The following ZNF592 variants were observed in gnomAD, a reference collection of about 807,000 sequenced individuals.
The protein encoded by ZNF592 is zinc finger protein 592.
ZNF592 carries 11 observed loss-of-function variants against 80.3 expected under a neutral mutation model. That is an observed-to-expected ratio of 0.14 (90% confidence interval 0.09 to 0.23). The LOEUF is 0.23. ZNF592 is among the 10% of genes least tolerant of loss of function. The pLI is 1.00. For synonymous variants in ZNF592, 646 were observed against 640.3 expected, an observed-to-expected ratio of 1.01 and a Z score of -0.13; for missense variants, 1,420 against 1,633.9, an observed-to-expected ratio of 0.87 and a Z score of 2.26.
chr15:84,793,930 C>G (rs558422503), intron 5 of ZNF592, among the ~76,000 whole-genome samples: 2 of 152,252 alleles, frequency 1.3e-5, no homozygotes, highest in Admixed American at 1.3e-4. Flanking sequence ...CCCCTTTTGG[C>G]TTCATGAATA....
chr15:84,756,321 C>G (rs1459333463), intron 1 of ZNF592, among the ~76,000 whole-genome samples: 2 of 152,228 alleles, frequency 1.3e-5, no homozygotes, highest in Non-Finnish European at 2.9e-5. Flanking sequence ...TCTGGCTCCG[C>G]TTTTATTCCC....
rs977203593 is a variant in ZNF592, at chr15:84,798,170, T to C, written c.2576+125T>C. On this transcript the variant is annotated intron_variant, in intron 6 of 10. Transcript: ENST00000560079. This position sits in a 1 kb window ranked among gnomAD's most constrained non-coding sequence, Gnocchi z 4.5. ...GTGGCAGAGGTGCCTGGGGTCGTAC[T>C]AAGGATGTCCTGAGGCAGGGGAGCA... is the stretch of plus-strand genomic sequence containing the variant. The C allele has an allele frequency of 1.7e-5, 26 of 1,563,052 alleles. No individual in the cohort carries two copies. Among genetic ancestry groups the C allele is most frequent in the Non-Finnish European group, 2.3e-5 (26 of 1,145,516 alleles).
At chr15:84,776,207 C>T (rs1161245478) in intron 2 of ZNF592, among the ~76,000 whole-genome samples, 3 of 152,226 alleles carry the variant, frequency 2.0e-5, no homozygotes, top group African/African-American at 7.2e-5. Flanking sequence ...CTCTGTAGGC[C>T]AGGCCATGGT....
At chr15:84,771,661 T>G (rs1962079126) in intron 2 of ZNF592, among the ~76,000 whole-genome samples, 1 of 152,144 alleles carries the variant, frequency 6.6e-6, no homozygotes, top group South Asian at 2.1e-4. Context: ...AAAACGTTTT[T>G]TTTGTTTGTT....
At chr15:84,794,374 C>T (rs907290224) in intron 5 of ZNF592, among the ~76,000 whole-genome samples, 1 of 152,146 alleles carries the variant, frequency 6.6e-6, no homozygotes, top group African/African-American at 2.4e-5. Context: ...ACACCCTTGC[C>T]AACACTTGTT....
Position 84,806,336 on chromosome 15 carries a change from G to T in ZNF592, c.*3943G>T, listed in dbSNP as rs1963232205. 6.6e-6 allele frequency: 1 copy of T among 152,220 alleles called. No individual in the cohort carries two copies. Among genetic ancestry groups the T allele is most frequent in the Non-Finnish European group, 1.5e-5 (1 of 68,038 alleles). 9.4% of individuals were successfully genotyped at this position (152,220 alleles called of 1,614,324 possible). A position where few individuals can be genotyped will look rare whatever the true frequency, so the allele number is the denominator to read the frequency against. On this transcript the variant is annotated 3_prime_UTR_variant, in exon 11 of 11. Transcript: ENST00000560079. ...GTTGAGACTAGGACGCAGGTCCCAA[G>T]TATGGGATTTTTTTGGGTTCCTACT...
chr15:84,766,224 C>T (rs930477439), intron 2 of ZNF592, among the ~76,000 whole-genome samples: 1 of 152,068 alleles, frequency 6.6e-6, no homozygotes, highest in South Asian at 2.1e-4. Flanking sequence ...TTGCTGTCTT[C>T]CTCTTGCCCT....
chr15:84,774,983 GTTGGTCAGGCTGGTC>G lies in ZNF592; in HGVS notation c.-149-3196_-149-3182del, dbSNP rs1962201538. Among the ~76,000 whole-genome samples the G allele has an allele frequency of 2.6e-5, 4 of 152,192 alleles. No individual in the cohort carries two copies. In the South Asian group the frequency reaches 8.3e-4, roughly 32 times the overall value. On this transcript the variant is annotated intron_variant, in intron 2 of 10. Transcript: ENST00000560079. ...TTTAGTAGGGACAGGGTTTTGCCATGTTGGTCAGGCTGGTCTTGAACTCCTGACCTCAGGTGATCC... is the reference window on the plus strand; with the variant it reads ...TTTAGTAGGGACAGGGTTTTGCCATGTTGAACTCCTGACCTCAGGTGATCC...
rs771945367 is a variant in ZNF592, at chr15:84,798,013, C to A, written c.2544C>A (p.Thr848=). 1 of 1,614,076 alleles carries A rather than the reference C, an allele frequency of 6.2e-7. No individual in the cohort carries two copies. The highest frequency in any genetic ancestry group is 8.5e-7 in the Non-Finnish European group (1 of 1,180,034). ...GCAGCACTGCAGACCACAGTGCCAC[C>A]CAGCACCCCACCCAGCCCCACAGAC... ...TASSTADHSA[T]QHPTQPHRPS... Residue 848 remains threonine, a synonymous_variant, in exon 6 of 11, where the codon ACC becomes ACA. Coordinates refer to ENST00000560079, the MANE Select transcript of ZNF592 (RefSeq NM_014630.3). The surrounding 1 kb of genome is among the most constrained non-coding windows in gnomAD (Gnocchi z 4.5).
intron 2 of ZNF592, among the ~76,000 whole-genome samples, chr15:84,771,735 A>AT (rs938384703): frequency 9.9e-5 from 15 of 151,924 alleles, no homozygotes; most frequent in East Asian, 9.7e-4. Context: ...TCTTTGGGCC[A>AT]TTTTTTTTGC....
intron 5 of ZNF592, 141 bp downstream of exon 5, chr15:84,791,024 A>G: frequency 2.2e-6 from 2 of 922,168 alleles, no homozygotes; most frequent in Non-Finnish European, 3.5e-6. Context: ...TGGTATGTGG[A>G]CAGACATTTT....
chr15:84,766,716 T>TGTGTGG (rs1899535972), intron 2 of ZNF592, among the ~76,000 whole-genome samples: 1 of 111,940 alleles, frequency 8.9e-6, no homozygotes, highest in African/African-American at 3.1e-5. Flanking sequence ...AGTGTGTGTG[T>TGTGTGG]GTGTGTGTGT....
rs1178503305 is a variant in ZNF592, at chr15:84,784,859, A to G, written c.2184A>G (p.Ala728=). ...KQMRDYMVLA[A]HFQRTTEETE... is the part of the protein sequence containing the mutation. Reference sequence around the variant, plus strand: ...TGCGGGACTACATGGTCCTGGCTGCACATTTCCAGAGGACAACAGAGGAGA... The same window carrying G: ...TGCGGGACTACATGGTCCTGGCTGCGCATTTCCAGAGGACAACAGAGGAGA... The change falls in exon 4 of 11, where the codon GCA becomes GCG. Residue 728 remains alanine (A), a synonymous_variant. Transcript: ENST00000560079. This position sits in a 1 kb window ranked among gnomAD's most constrained non-coding sequence, Gnocchi z 5.8. 1.2e-6 allele frequency: 2 copies of G among 1,614,168 alleles called. No individual in the cohort carries two copies. Among genetic ancestry groups the G allele is most frequent in the African/African-American group, 2.7e-5 (2 of 75,028 alleles).
At chr15:84,777,522 A>C (rs1471806820) in intron 2 of ZNF592, among the ~76,000 whole-genome samples, 1 of 151,596 alleles carries the variant, frequency 6.6e-6, no homozygotes, top group Non-Finnish European at 1.5e-5. Flanking sequence ...GGGTCTCACT[A>C]TGTTGGTCTT....
At chr15:84,786,470 GA>G (rs2141989631) in intron 4 of ZNF592, among the ~76,000 whole-genome samples, 1 of 152,306 alleles carries the variant, frequency 6.6e-6, no homozygotes, top group South Asian at 2.1e-4. Context: ...TGGGTTTGAA[GA>G]AGAGGACATT....
chr15:84,749,624 A>C (rs1898952988), intron 1 of ZNF592, among the ~76,000 whole-genome samples: 1 of 152,164 alleles, frequency 6.6e-6, no homozygotes, highest in Non-Finnish European at 1.5e-5. Flanking sequence ...TATTTGGCTT[A>C]TGGTTTGCCC....
At chr15:84,750,512 A>C (rs775564197) in intron 1 of ZNF592, among the ~76,000 whole-genome samples, 9 of 152,192 alleles carry the variant, frequency 5.9e-5, no homozygotes, top group Non-Finnish European at 1.0e-4. Flanking sequence ...AGAAGAAGGA[A>C]GCAGGGAAGG....
chr15:84,770,238 A>G (rs578207354), intron 2 of ZNF592, among the ~76,000 whole-genome samples: 2 of 152,306 alleles, frequency 1.3e-5, no homozygotes, highest in South Asian at 4.1e-4. Context: ...CAAGAGCTAG[A>G]TTTTAGACAT....
At chr15:84,775,299 T>G (rs1469771483) in intron 2 of ZNF592, among the ~76,000 whole-genome samples, 2 of 152,130 alleles carry the variant, frequency 1.3e-5, no homozygotes, top group African/African-American at 4.8e-5. Context: ...TTTCACTGTG[T>G]TGGCCAGGCT....
Sources: allele counts gnomAD v4.1 joint callset (sites outside exome capture counted in the v4.1 genomes callset), GRCh38; gene constraint gnomAD v4.1.1; non-coding constraint Gnocchi (gnomAD v3.1); transcripts MANE v1.5; gene names NCBI Gene and HGNC (gene_info 2026-07-23, HGNC 2026-07-21).